The following GPC2 variants were observed in gnomAD, a reference collection of about 807,000 sequenced individuals.
GPC2 encodes the protein glypican 2, also known as glypican-2.
A neutral mutation model predicts 57.3 loss-of-function variants in GPC2; 42 were observed. The ratio of observed to expected loss-of-function variants is 0.73; its 90% CI spans 0.57 to 0.95. The LOEUF (loss-of-function observed/expected upper bound fraction) is 0.95. Ranked by LOEUF, GPC2 falls within the 40% of genes least tolerant of loss-of-function variation. The pLI, the probability that GPC2 is intolerant of heterozygous loss-of-function variation, is 0.00. For synonymous variants in GPC2, 364 were observed against 343.4 expected, an observed-to-expected ratio of 1.06 and a Z score of -0.66; for missense variants, 745 against 793.6, an observed-to-expected ratio of 0.94 and a Z score of 0.74.
Position 100,171,932 on chromosome 7 carries a change from C to T in GPC2, c.1024-7G>A, listed in dbSNP as rs2116982712. On this transcript the variant is annotated splice_polypyrimidine_tract_variant and splice_region_variant and intron_variant, in intron 6 of 9. Coordinates refer to ENST00000292377, the MANE Select transcript of GPC2 (RefSeq NM_152742.3). The surrounding 1 kb of genome is among the most constrained non-coding windows in gnomAD (Gnocchi z 4.8). ...GGCCGCACTCCTGAAACACCTGCGG[C>T]ACCGGGAAGAGACCTCACACAGTCA... 6.6e-7 allele frequency: 1 copy of T among 1,509,878 alleles called. No individual in the cohort carries two copies. Among genetic ancestry groups the T allele is most frequent in the East Asian group, 2.4e-5 (1 of 42,400 alleles). The allele number at this position is 1,509,878 out of a possible 1,614,324, so 93.5% of individuals were successfully genotyped here.
intron 5 of GPC2, among the ~76,000 whole-genome samples, chr7:100,172,697 A>ATATGTGTGTGTG (rs1562957593): frequency 7.0e-6 from 1 of 141,862 alleles, no homozygotes; most frequent in African/African-American, 2.8e-5. Context: ...ATATATATAT[A>ATATGTGTGTGTG]CGTGTATATA....
rs746144170 is a variant in GPC2, at chr7:100,171,557, GTCCAGCAGGGCGCCGCC to G, written c.1275_1291del (p.Glu425AspfsTer67). 1 of 1,483,496 alleles carries G rather than the reference GTCCAGCAGGGCGCCGCC, an allele frequency of 6.7e-7. No homozygotes were observed. Among genetic ancestry groups the G allele is most frequent in the South Asian group, 1.3e-5 (1 of 77,632 alleles). 91.9% of individuals were successfully genotyped at this position (1,483,496 alleles called of 1,614,324 possible). Reference sequence around the variant, plus strand: ...GGCTCACCGGCCCCGCCCGGCTCCGGTCCAGCAGGGCGCCGCCTCCAGCGAGGCGTCCGCTGCCATGC... The same window carrying G: ...GGCTCACCGGCCCCGCCCGGCTCCGGTCCAGCGAGGCGTCCGCTGCCATGC... On this transcript the variant is annotated frameshift_variant, in exon 8 of 10. Transcript: ENST00000292377. LOFTEE classifies it high-confidence loss of function. This position sits in a 1 kb window ranked among gnomAD's most constrained non-coding sequence, Gnocchi z 4.8.
chr7:100,174,894 T>C (rs763194429), intron 3 of GPC2, 129 bp from the exon 4 acceptor site: 11 of 660,792 alleles, frequency 1.7e-5, no homozygotes, highest in Non-Finnish European at 2.7e-5. Context: ...GGGTCGAGTG[T>C]TGGGTGGTAC....
rs141675739 is a variant in GPC2 at position 100,174,744 on chromosome 7, C to T, written c.670G>A (p.Ala224Thr). 15 of 1,613,962 alleles carry T rather than the reference C, an allele frequency of 9.3e-6. No individual in the cohort carries two copies. Among genetic ancestry groups the T allele is most frequent in the Admixed American group, 8.3e-5 (5 of 60,000 alleles). The change falls in exon 4 of 10, where the codon GCC (alanine) becomes ACC (threonine). Residue 224 changes from alanine (A) to threonine (T), a missense_variant. Physicochemically the swap from Ala to Thr is moderately conservative, Grantham distance 58. This residue lies in a region of GPC2 where 607 missense variants were observed against 603.9 expected (regional missense o/e 1.01). Coordinates refer to ENST00000292377, the MANE Select transcript of GPC2 (RefSeq NM_152742.3). ...RLQITRTLVAARAFVQGLETG... is the reference protein window; with the variant it reads ...RLQITRTLVATRAFVQGLETG... ...TCCAGGCCCTGCACAAAGGCTCGGG[C>T]AGCCACCAGGGTCCGGGTTATCTGG...
rs1305542572 is a variant in GPC2, at chr7:100,173,970, C to T, written c.757G>A (p.Ala253Thr). ...GGACAGCCGATGAGACGCATCAGAGCCTGGCTGCAGCCTTCAGACACCGGC... is the reference window on the plus strand; with the variant it reads ...GGACAGCCGATGAGACGCATCAGAGTCTGGCTGCAGCCTTCAGACACCGGC... The part of the protein sequence containing the change: ...KVPVSEGCSQ[A>T]LMRLIGCPLC... The change falls in exon 5 of 10, where the codon GCT becomes ACT. Residue 253 changes from alanine (A) to threonine (T), a missense_variant. By Grantham distance (58) the Ala-to-Thr change is moderately conservative. This residue lies in a region of GPC2 where 607 missense variants were observed against 603.9 expected (regional missense o/e 1.01). Transcript: ENST00000292377. 6.3e-7 allele frequency: 1 copy of T among 1,591,968 alleles called. No homozygotes were observed. The highest frequency in any genetic ancestry group is 8.5e-7 in the Non-Finnish European group (1 of 1,169,758).
chr7:100,174,457 G>A (rs1019183902), intron 4 of GPC2: 33 of 631,198 alleles, frequency 5.2e-5, no homozygotes, highest in Non-Finnish European at 8.9e-5. Flanking sequence ...GACTGAGGAG[G>A]GTATGGGTCC....
rs1361931007 is a variant in GPC2 at position 100,172,208 on chromosome 7, AG to A, written c.901del (p.Leu301Ter). On this transcript the variant is annotated frameshift_variant, in exon 6 of 10. Coordinates refer to ENST00000292377, the MANE Select transcript of GPC2 (RefSeq NM_152742.3). LOFTEE classifies it high-confidence loss of function. ...GCCCTGGAGCTTATCAGCCAGGATC[AG>A]GAGACCATCTTAAGGGAGGGAGAGA... is the stretch of plus-strand genomic sequence containing the variant. ...PDWGNYLDGLLILADKLQGPF... is the reference protein window; with the variant it reads ...PDWGNYLDGLXILADKLQGPF... 3.7e-6 allele frequency: 6 copies of A among 1,613,970 alleles called. No individual in the cohort carries two copies. Among genetic ancestry groups the A allele is most frequent in the Non-Finnish European group, 5.1e-6 (6 of 1,179,958 alleles).
chr7:100,176,024 CAG>C, intron 2 of GPC2, 130 bp from the exon 3 acceptor site: 1 of 834,160 alleles, frequency 1.2e-6, no homozygotes, highest in Non-Finnish European at 1.8e-6. Flanking sequence ...GAGTAACTCT[CAG>C]AGATGGGGCA....
intron 3 of GPC2, 57 bp downstream of exon 3, chr7:100,175,515 C>T: frequency 7.2e-7 from 1 of 1,395,420 alleles, no homozygotes; most frequent in Non-Finnish European, 9.9e-7. Flanking sequence ...GAGTGGTGCA[C>T]AGTTCAGGGG....
At position 100,171,385 on chromosome 7, in the gene GPC2, G is replaced by A; in HGVS notation, c.1362C>T (p.Pro454=). The A allele has an allele frequency of 6.5e-7, 1 of 1,534,050 alleles. No individual in the cohort carries two copies. Among genetic ancestry groups the A allele is most frequent in the Non-Finnish European group, 8.8e-7 (1 of 1,141,198 alleles). Residue 454 remains proline (P), a synonymous_variant, in exon 9 of 10, where the codon CCC becomes CCT. Transcript: ENST00000292377. This position sits in a 1 kb window ranked among gnomAD's most constrained non-coding sequence, Gnocchi z 4.8. ...GGCCCGAGGCGTCCACCTTGAGCTC[G>A]GGGTTGTTGACCTGCTCGGCCGGGG... ...GGSPAEQVNN[P]ELKVDASGPD... is the part of the protein sequence containing the mutation.
intron 1 of GPC2, 92 bp from the exon 2 acceptor site, chr7:100,176,457 C>A: frequency 8.3e-7 from 1 of 1,200,078 alleles, no homozygotes; most frequent in South Asian, 1.4e-5. Context: ...GCCTTCTCTT[C>A]TACCTGCCTG....
rs752689029 is a variant in GPC2 at position 100,171,339 on chromosome 7, G to C, written c.1408C>G (p.Arg470Gly). 57 of 1,544,064 alleles carry C rather than the reference G, an allele frequency of 3.7e-5. 1 individual carries two copies. In the African/African-American group the frequency reaches 4.2e-4, roughly 11 times the overall value. The change falls in exon 9 of 10, where the codon CGT becomes GGT. Residue 470 changes from arginine to glycine, a missense_variant. Around this residue, in one of 2 missense-constraint regions of GPC2, gnomAD observed 607 missense variants for 603.9 expected, o/e 1.01. Coordinates refer to ENST00000292377, the MANE Select transcript of GPC2 (RefSeq NM_152742.3). This position sits in a 1 kb window ranked among gnomAD's most constrained non-coding sequence, Gnocchi z 4.8. ...GTGGCCGCCCGGAGCTGTAGCCGACGCCGCCGTGTCGGGACATCGGGGCCC... is the reference window on the plus strand; with the variant it reads ...GTGGCCGCCCGGAGCTGTAGCCGACCCCGCCGTGTCGGGACATCGGGGCCC... Reference protein sequence around the residue: ...ASGPDVPTRRRRLQLRAATAR... With the variant: ...ASGPDVPTRRGRLQLRAATAR...
Position 100,173,941 on chromosome 7 carries a change from C to G in GPC2, c.786G>C (p.Leu262=). The change falls in exon 5 of 10, where the codon CTG becomes CTC. Residue 262 remains leucine (L), a synonymous_variant. Coordinates refer to ENST00000292377, the MANE Select transcript of GPC2 (RefSeq NM_152742.3). ...QALMRLIGCP[L]CRGVPSLMPC... is the part of the protein sequence containing the mutation. ...GCATAAGTGAGGGGACCCCCCGGCA[C>G]AGGGGACAGCCGATGAGACGCATCA... The G allele has an allele frequency of 6.2e-7, 1 of 1,602,188 alleles. No individual in the cohort carries two copies. The highest frequency in any genetic ancestry group is 8.5e-7 in the Non-Finnish European group (1 of 1,174,740).
At position 100,175,699 on chromosome 7, in the gene GPC2, ACT is replaced by A; in HGVS notation, c.519_520del (p.Arg173SerfsTer14). 6.2e-7 allele frequency: 1 copy of A among 1,613,752 alleles called. No homozygotes were observed. The highest frequency in any genetic ancestry group is 8.5e-7 in the Non-Finnish European group (1 of 1,179,906). Reference sequence around the variant, plus strand: ...GTACTGTGGGTGCAGCAGCGGGAACACTCTCTCCAGGAGCTGTGCCCAGAAAT... The same window carrying A: ...GTACTGTGGGTGCAGCAGCGGGAACACTCTCCAGGAGCTGTGCCCAGAAAT... On this transcript the variant is annotated frameshift_variant, in exon 3 of 10. Coordinates refer to ENST00000292377, the MANE Select transcript of GPC2 (RefSeq NM_152742.3). LOFTEE classifies it high-confidence loss of function.
rs766527070 is a variant in GPC2, at chr7:100,172,215, C to T, written c.895G>A (p.Gly299Ser). Residue 299 changes from glycine (G) to serine (S), a missense_variant and splice_region_variant, in exon 6 of 10, where the codon GGT (glycine) becomes AGT (serine). Coordinates refer to ENST00000292377, the MANE Select transcript of GPC2 (RefSeq NM_152742.3). ...LEPDWGNYLDGLLILADKLQG... is the reference protein window; with the variant it reads ...LEPDWGNYLDSLLILADKLQG... ...AGCTTATCAGCCAGGATCAGGAGAC[C>T]ATCTTAAGGGAGGGAGAGAAAGAGA... is the stretch of plus-strand genomic sequence containing the variant. 1.2e-6 allele frequency: 2 copies of T among 1,613,742 alleles called. No homozygotes were observed. Among genetic ancestry groups the T allele is most frequent in the Non-Finnish European group, 1.7e-6 (2 of 1,179,924 alleles).
At position 100,173,923 on chromosome 7, in the gene GPC2, T is replaced by C. The variant is rs768576307; in HGVS notation, c.804A>G (p.Ser268=). 2 of 1,604,972 alleles carry C rather than the reference T, an allele frequency of 1.2e-6. No homozygotes were observed. Among genetic ancestry groups the C allele is most frequent in the Non-Finnish European group, 1.7e-6 (2 of 1,175,932 alleles). Residue 268 remains serine (S), a synonymous_variant, in exon 5 of 10, where the codon TCA becomes TCG. Transcript: ENST00000292377. ...GGCAGAAGCCCTGGCAGGGCATAAG[T>C]GAGGGGACCCCCCGGCACAGGGGAC... ...IGCPLCRGVP[S]LMPCQGFCLN...
chr7:100,176,799 G>A (rs1020404258), intron 1 of GPC2, among the ~76,000 whole-genome samples: 2 of 152,196 alleles, frequency 1.3e-5, no homozygotes, highest in Admixed American at 6.5e-5. Context: ...CACATAGGGG[G>A]TGTTAATTAG....
At chr7:100,173,703 G>A (rs767251043) in intron 5 of GPC2, 132 bp downstream of exon 5, 42 of 471,896 alleles carry the variant, frequency 8.9e-5, no homozygotes, top group Non-Finnish European at 1.2e-4. Context: ...TTGAGATGAC[G>A]TCTAGCTATG....
intron 2 of GPC2, 141 bp downstream of exon 2, chr7:100,176,066 G>C (rs1799270103): frequency 2.1e-6 from 1 of 480,684 alleles, no homozygotes; most frequent in South Asian, 2.0e-5. Flanking sequence ...CAGGGCCCTG[G>C]AGACAGAGTC....
Sources: allele counts gnomAD v4.1 joint callset (sites outside exome capture counted in the v4.1 genomes callset), GRCh38; gene constraint gnomAD v4.1.1; regional missense constraint gnomAD v4.1.1; non-coding constraint Gnocchi (gnomAD v3.1); transcripts MANE v1.5; gene names NCBI Gene and HGNC (gene_info 2026-07-23, HGNC 2026-07-21).